Variants in AP3S1 observed in about 807,000 individuals in gnomAD.
AP3S1 encodes AP-3 complex subunit sigma-1.
In AP3S1, 12 loss-of-function variants were observed where a neutral mutation model predicts 21.3. The ratio of observed to expected loss-of-function variants is 0.56; its 90% confidence interval spans 0.36 to 0.91. The LOEUF is 0.91. Among genes scored for constraint, AP3S1 ranks in the 40% least tolerant of loss-of-function variants. AP3S1 has a pLI of 0.01. For missense variants in AP3S1, 116 were observed against 225.0 expected, an observed-to-expected ratio of 0.52 and a Z score of 3.10; for synonymous variants, 48 against 78.4, an observed-to-expected ratio of 0.61 and a Z score of 2.05.
chr5:115,884,135 A>G (rs960697593), intron 3 of AP3S1, among the ~76,000 whole-genome samples: 1 of 152,200 alleles, frequency 6.6e-6, no homozygotes, highest in Non-Finnish European at 1.5e-5. Context: ...GTGGTACCCT[A>G]TAAAACAAGC....
chr5:115,904,694 A>G (rs2112576981), intron 5 of AP3S1, among the ~76,000 whole-genome samples: 1 of 152,362 alleles, frequency 6.6e-6, no homozygotes, highest in South Asian at 2.1e-4. Flanking sequence ...TTAATTTAGT[A>G]TAACTGACTT....
chr5:115,854,187 A>T (rs539818588), intron 1 of AP3S1, among the ~76,000 whole-genome samples: 1 of 152,286 alleles, frequency 6.6e-6, no homozygotes, highest in Non-Finnish European at 1.5e-5. Flanking sequence ...TCATGACCTT[A>T]TCACCTTTTA....
intron 1 of AP3S1, among the ~76,000 whole-genome samples, chr5:115,844,368 A>T (rs1220076904): frequency 2.0e-5 from 3 of 152,224 alleles, no homozygotes; most frequent in African/African-American, 7.2e-5. Flanking sequence ...GGAAAAAAAA[A>T]TAAAGCGGGT....
intron 2 of AP3S1, 27 bp downstream of exon 2, chr5:115,866,788 C>T (rs201251603): frequency 6.7e-6 from 10 of 1,490,136 alleles, no homozygotes; most frequent in East Asian, 4.7e-5. Context: ...ATAGACATTT[C>T]TAAGTTTTGA....
At chr5:115,853,987 T>C (rs1762624143) in intron 1 of AP3S1, among the ~76,000 whole-genome samples, 1 of 152,206 alleles carries the variant, frequency 6.6e-6, no homozygotes, top group Non-Finnish European at 1.5e-5. Flanking sequence ...AGAAATTTAT[T>C]TGGTTCATGG....
At chr5:115,883,824 A>G (rs919306113) in intron 3 of AP3S1, among the ~76,000 whole-genome samples, 2 of 152,256 alleles carry the variant, frequency 1.3e-5, no homozygotes, top group African/African-American at 4.8e-5. Flanking sequence ...ATTTATATCA[A>G]TATGAGCTTT....
At chr5:115,871,497 A>G (rs538434490) in intron 3 of AP3S1, among the ~76,000 whole-genome samples, 75 of 152,160 alleles carry the variant, frequency 4.9e-4, no homozygotes, top group African/African-American at 1.7e-3. Context: ...CATAATCTCA[A>G]TTTCACAGTT....
chr5:115,877,862 G>T (rs1748875127), intron 3 of AP3S1, among the ~76,000 whole-genome samples: 2 of 152,178 alleles, frequency 1.3e-5, no homozygotes, highest in South Asian at 2.1e-4. Context: ...GCCAGCATCT[G>T]TTGTTTCCTG....
At chr5:115,845,022 G>C (rs938129747) in intron 1 of AP3S1, among the ~76,000 whole-genome samples, 4 of 152,142 alleles carry the variant, frequency 2.6e-5, no homozygotes, top group African/African-American at 7.2e-5. Flanking sequence ...AACTTGCTGA[G>C]TTTCCTTCTA....
chr5:115,869,596 A>G (rs552311531), intron 2 of AP3S1, among the ~76,000 whole-genome samples: 42 of 152,294 alleles, frequency 2.8e-4, no homozygotes, highest in African/African-American at 9.9e-4. Flanking sequence ...ACTCCTTATC[A>G]TTAGATCTCA....
intron 2 of AP3S1, among the ~76,000 whole-genome samples, chr5:115,869,457 A>G (rs1220683063): frequency 1.3e-5 from 2 of 152,134 alleles, no homozygotes; most frequent in African/African-American, 4.8e-5. Flanking sequence ...TTTATCATTT[A>G]CTAATCTTTT....
At chr5:115,903,300 T>G (rs1481685458) in intron 5 of AP3S1, 1 of 175,128 alleles carries the variant, frequency 5.7e-6, no homozygotes, top group Admixed American at 6.4e-5. Flanking sequence ...TTTGTAAAAC[T>G]TCAGTCGGTA....
At chr5:115,866,644 A>AAC (rs764854348) in intron 1 of AP3S1, 26 bp from the exon 2 acceptor site, 24 of 1,492,210 alleles carry the variant, frequency 1.6e-5, no homozygotes, top group Non-Finnish European at 2.0e-5. Flanking sequence ...ACTCCATCCT[A>AAC]ATATATATGA....
At chr5:115,852,631 C>T (rs994075878) in intron 1 of AP3S1, among the ~76,000 whole-genome samples, 2 of 152,068 alleles carry the variant, frequency 1.3e-5, no homozygotes, top group African/African-American at 2.4e-5. Context: ...AATCCCCACT[C>T]CCCACTGTCC....
At chr5:115,848,669 G>T (rs547841758) in intron 1 of AP3S1, among the ~76,000 whole-genome samples, 23 of 152,262 alleles carry the variant, frequency 1.5e-4, no homozygotes, top group African/African-American at 5.3e-4. Flanking sequence ...TGTGGATTAT[G>T]GATTTTGTCA....
At chr5:115,905,349 C>G (rs1751557879) in intron 5 of AP3S1, among the ~76,000 whole-genome samples, 1 of 152,148 alleles carries the variant, frequency 6.6e-6, no homozygotes. Flanking sequence ...AGAAATAATG[C>G]TATTTAAAAT....
intron 1 of AP3S1, among the ~76,000 whole-genome samples, chr5:115,862,382 GTTTAT>G (rs1272469347): frequency 6.6e-6 from 1 of 152,078 alleles, no homozygotes; most frequent in African/African-American, 2.4e-5. Flanking sequence ...GTAGATACTA[GTTTAT>G]TTTATCATTT....
At chr5:115,883,533 C>G (rs977229065) in intron 3 of AP3S1, among the ~76,000 whole-genome samples, 1 of 152,186 alleles carries the variant, frequency 6.6e-6, no homozygotes, top group African/African-American at 2.4e-5. Context: ...GTTGGCTACA[C>G]TCGCTATCTC....
At chr5:115,904,506 T>C (rs1287498057) in intron 5 of AP3S1, among the ~76,000 whole-genome samples, 1 of 152,234 alleles carries the variant, frequency 6.6e-6, no homozygotes, top group Non-Finnish European at 1.5e-5. Flanking sequence ...TTCCCATTCC[T>C]GTTGGTTTCC....
Sources: gnomAD v4.1 joint callset for allele counts (sites outside exome capture counted in the v4.1 genomes callset) on GRCh38, gnomAD v4.1.1 for gene constraint, MANE v1.5 for transcripts, NCBI Gene and HGNC (gene_info 2026-07-23, HGNC 2026-07-21) for gene names.